Variants in CHODL observed in about 807,000 individuals in gnomAD.
The protein encoded by CHODL is transmembrane protein MT75.
In CHODL, 29 loss-of-function variants were observed where a neutral mutation model predicts 34.5. The ratio of observed to expected loss-of-function variants is 0.84; its 90% CI spans 0.63 to 1.15. The LOEUF (loss-of-function observed/expected upper bound fraction) is 1.15. Ranked by LOEUF, CHODL falls within the 50% of genes most tolerant of loss-of-function variation. The pLI is 0.00. For synonymous variants in CHODL, 125 were observed against 116.1 expected (o/e 1.08, Z -0.49); for missense variants, 332 against 332.5 (o/e 1.00, Z 0.01).
chr21:17,935,270 A>G (rs963335818), intron 1 of CHODL, among the ~76,000 whole-genome samples: 21 of 152,198 alleles, frequency 1.4e-4, no homozygotes, highest in Non-Finnish European at 2.9e-5. Flanking sequence ...ATATACACAG[A>G]TTATCATAAT....
At chr21:18,027,626 G>A (rs1018889857) in intron 1 of CHODL, among the ~76,000 whole-genome samples, 10 of 152,092 alleles carry the variant, frequency 6.6e-5, no homozygotes, top group African/African-American at 2.4e-4. Context: ...GTTCTTTTTA[G>A]CTTGCTTCTC....
At chr21:17,927,457 T>A (rs1160019554) in intron 1 of CHODL, among the ~76,000 whole-genome samples, 1 of 152,192 alleles carries the variant, frequency 6.6e-6, no homozygotes, top group African/African-American at 2.4e-5. Flanking sequence ...AGTTGTTGCC[T>A]AATAGTGGTT....
At chr21:18,017,390 G>C (rs1374060843) in intron 1 of CHODL, among the ~76,000 whole-genome samples, 1 of 152,206 alleles carries the variant, frequency 6.6e-6, no homozygotes, top group Non-Finnish European at 1.5e-5. Flanking sequence ...CACTTCCTTT[G>C]CTCTTTCTCC....
chr21:17,982,186 T>A (rs1426770056), intron 1 of CHODL, among the ~76,000 whole-genome samples: 1 of 152,226 alleles, frequency 6.6e-6, no homozygotes, highest in Non-Finnish European at 1.5e-5. Context: ...TTAAGTATAT[T>A]GTGAGTATGC....
intron 2 of CHODL, among the ~76,000 whole-genome samples, chr21:18,117,683 TTAAA>T (rs1294450440): frequency 6.6e-6 from 1 of 151,238 alleles, no homozygotes; most frequent in Admixed American, 6.6e-5. Context: ...GTGACTTTAA[TTAAA>T]TAAGAATAAA....
Position 18,208,879 on chromosome 21 carries a change from C to T in CHODL, c.-44-47630C>T, listed in dbSNP as rs150696236. On this transcript the variant is annotated intron_variant, in intron 2 of 6. Transcript: ENST00000400127. Reference sequence around the variant, plus strand: ...TCTCTCTCTCTGTCCCCCCCACCCCCGCCCCTCTGTGCTGAGCTGCCTGGA... The same window carrying T: ...TCTCTCTCTCTGTCCCCCCCACCCCTGCCCCTCTGTGCTGAGCTGCCTGGA... Among the ~76,000 whole-genome samples the T allele has an allele frequency of 1.3e-3, 188 of 149,046 alleles. 1 individual carries two copies. The highest frequency in any genetic ancestry group is 4.2e-3 in the African/African-American group (172 of 40,508).
intron 2 of CHODL, among the ~76,000 whole-genome samples, chr21:18,192,527 G>A (rs1015607686): frequency 6.6e-6 from 1 of 152,072 alleles, no homozygotes; most frequent in Non-Finnish European, 1.5e-5. Context: ...TACTTGTTAC[G>A]GTTATATAGC....
chr21:18,033,113 G>T (rs1021085535), intron 2 of CHODL, among the ~76,000 whole-genome samples: 1 of 151,948 alleles, frequency 6.6e-6, no homozygotes, highest in Non-Finnish European at 1.5e-5. Flanking sequence ...TAATATTGGG[G>T]GTTAGGGAAG....
At chr21:17,953,591 C>A (rs1464584710) in intron 1 of CHODL, among the ~76,000 whole-genome samples, 1 of 152,038 alleles carries the variant, frequency 6.6e-6, no homozygotes, top group African/African-American at 2.4e-5. Context: ...GCAAGAAAAT[C>A]AAATTGCAAA....
intron 2 of CHODL, among the ~76,000 whole-genome samples, chr21:18,187,876 T>G (rs569954984): frequency 8.9e-4 from 136 of 152,212 alleles, no homozygotes; most frequent in Non-Finnish European, 9.6e-4. Flanking sequence ...TGACTTGAAG[T>G]CTCATTTAAG....
chr21:18,033,904 T>G (rs188629382), intron 2 of CHODL, among the ~76,000 whole-genome samples: 8 of 152,184 alleles, frequency 5.3e-5, no homozygotes, highest in Admixed American at 3.3e-4. Flanking sequence ...CTGTACTATA[T>G]TCTCACAAAA....
At chr21:18,260,815 AAAG>A (rs2074370674) in intron 4 of CHODL, among the ~76,000 whole-genome samples, 1 of 146,846 alleles carries the variant, frequency 6.8e-6, no homozygotes, top group African/African-American at 2.7e-5. Flanking sequence ...CTGTCTCAAA[AAAG>A]CAAACAACAA....
Position 18,098,244 on chromosome 21 carries a change from A to G in CHODL, c.-45+70273A>G, listed in dbSNP as rs541838882. Among the ~76,000 whole-genome samples, 27 of 152,168 alleles carry G rather than the reference A, an allele frequency of 1.8e-4. No individual in the cohort carries two copies. The East Asian group carries it at 4.0e-3, about 23-fold the overall frequency. ...TCAAGTTAAAAAGCTTTTTTAGAGCAAATTAAATAATTAAGAAAGTGAAGA... is the reference window on the plus strand; with the variant it reads ...TCAAGTTAAAAAGCTTTTTTAGAGCGAATTAAATAATTAAGAAAGTGAAGA... On this transcript the variant is annotated intron_variant, in intron 2 of 6. Transcript: ENST00000400127.
In CHODL at chr21:18,163,544, C is replaced by T. The variant is rs138866754; in HGVS notation, c.-44-92965C>T. ...GCTAGGACCAAAATTCTAGTAGGTT[C>T]TATACTTTGTTACTAAATGGGTACT... On this transcript the variant is annotated intron_variant, in intron 2 of 6. Coordinates refer to the CHODL transcript ENST00000400127. 5.2e-3 allele frequency among the ~76,000 whole-genome samples: 785 copies of T among 152,136 alleles called. 17 individuals carry two copies. Among genetic ancestry groups the T allele is most frequent in the East Asian group, 0.048 (249 of 5,184 alleles).
chr21:17,970,942 T>C (rs2063609459), intron 1 of CHODL, among the ~76,000 whole-genome samples: 1 of 152,066 alleles, frequency 6.6e-6, no homozygotes, highest in African/African-American at 2.4e-5. Context: ...GTCCATGTGT[T>C]TTCATTGTTC....
chr21:17,950,752 C>G (rs1379987398), intron 1 of CHODL, among the ~76,000 whole-genome samples: 1 of 151,906 alleles, frequency 6.6e-6, no homozygotes, highest in African/African-American at 2.4e-5. Flanking sequence ...GATAGCATGC[C>G]AGACATAAAA....
chr21:18,209,465 C>G (rs966019656), intron 2 of CHODL, among the ~76,000 whole-genome samples: 2 of 152,268 alleles, frequency 1.3e-5, no homozygotes, highest in East Asian at 3.9e-4. Flanking sequence ...AATGCTATCC[C>G]AGAGCCAAGG....
intron 2 of CHODL, among the ~76,000 whole-genome samples, chr21:18,058,871 T>C (rs1464040185): frequency 1.3e-5 from 2 of 152,176 alleles, no homozygotes; most frequent in Non-Finnish European, 2.9e-5. Flanking sequence ...ATGGGCAAGA[T>C]TCAGTGCCTG....
chr21:18,108,837 T>TTGTGTGTGTGTG (rs68066729), intron 2 of CHODL, among the ~76,000 whole-genome samples: 75 of 146,156 alleles, frequency 5.1e-4, no homozygotes, highest in Non-Finnish European at 1.0e-3. Context: ...CTTTGCAATG[T>TTGTGTGTGTGTG]TGTGTGTGTG....
Sources: gnomAD v4.1 joint callset for allele counts (sites outside exome capture counted in the v4.1 genomes callset) on GRCh38, gnomAD v4.1.1 for gene constraint, MANE v1.5 for transcripts, NCBI Gene and HGNC (gene_info 2026-07-23, HGNC 2026-07-21) for gene names.